GPATCH8: variants seen among roughly 807,000 people sequenced by gnomAD.
GPATCH8 encodes G-patch domain containing 8.
Under a neutral mutation model 118.3 loss-of-function variants are expected in GPATCH8, and 18 were observed. The observed-to-expected ratio is 0.15, with a 90% CI of 0.11 to 0.23. The LOEUF (loss-of-function observed/expected upper bound fraction) is 0.23, where lower values mean the gene tolerates loss of function less well. Among genes scored for constraint, GPATCH8 ranks in the 10% least tolerant of loss-of-function variants. The pLI, the probability that GPATCH8 is intolerant of heterozygous loss-of-function variation, is 1.00. For synonymous variants in GPATCH8, 659 were observed against 684.7 expected (o/e 0.96, Z 0.59); for missense variants, 1,631 against 1,873.8 (o/e 0.87, Z 2.39).
intron 6 of GPATCH8, chr17:44,408,952 C>T (rs1190558071): frequency 6.6e-6 from 1 of 152,192 alleles, no homozygotes. Context: ...TTGAGAACCC[C>T]AGAATTCTCA....
At chr17:44,440,248 A>T (rs998986616) in intron 3 of GPATCH8, among the ~76,000 whole-genome samples, 1 of 152,212 alleles carries the variant, frequency 6.6e-6, no homozygotes, top group Admixed American at 6.5e-5. Context: ...CTTAAAAGAA[A>T]CTGTCTTCCT....
intron 7 of GPATCH8, among the ~76,000 whole-genome samples, chr17:44,405,468 A>G (rs1379735699): frequency 2.6e-5 from 4 of 151,742 alleles, no homozygotes; most frequent in African/African-American, 4.9e-5. Context: ...TCGGCCTCCC[A>G]AAGTGCTGGG....
At chr17:44,456,869 A>ATT (rs36118162) in intron 3 of GPATCH8, among the ~76,000 whole-genome samples, 2 of 147,820 alleles carry the variant, frequency 1.4e-5, no homozygotes, top group African/African-American at 2.5e-5. Context: ...GTACAGAACA[A>ATT]TTTTTTTTTT....
intron 1 of GPATCH8, among the ~76,000 whole-genome samples, chr17:44,492,794 A>C (rs1969359063): frequency 1.3e-5 from 2 of 152,150 alleles, no homozygotes; most frequent in Admixed American, 6.6e-5. Flanking sequence ...TAGAACCCTA[A>C]CTTGAGAGTA....
chr17:44,426,848 ACTCTCTCT>A (rs71361571), intron 5 of GPATCH8, among the ~76,000 whole-genome samples: 14 of 35,468 alleles, frequency 3.9e-4, no homozygotes, highest in African/African-American at 8.5e-4. Context: ...ACACACACAC[ACTCTCTCT>A]CTCTCTCTCT....
chr17:44,472,489 T>C (rs1052518190), intron 2 of GPATCH8, among the ~76,000 whole-genome samples: 4 of 152,222 alleles, frequency 2.6e-5, no homozygotes, highest in African/African-American at 9.7e-5. Context: ...AATTTAGTGG[T>C]TTAAAAAATA....
At chr17:44,461,050 T>C (rs2051525965) in intron 3 of GPATCH8, among the ~76,000 whole-genome samples, 1 of 152,318 alleles carries the variant, frequency 6.6e-6, no homozygotes, top group East Asian at 1.9e-4. Context: ...AGAATAAAGA[T>C]ACTAATCATT....
chr17:44,442,122 TAGAGAG>T (rs1369615165), intron 3 of GPATCH8, among the ~76,000 whole-genome samples: 4 of 128,994 alleles, frequency 3.1e-5, no homozygotes, highest in Non-Finnish European at 6.4e-5. Context: ...TATATATATA[TAGAGAG>T]AGAGAGAGAG....
intron 1 of GPATCH8, among the ~76,000 whole-genome samples, chr17:44,502,701 T>C (rs546306596): frequency 1.3e-4 from 20 of 152,284 alleles, no homozygotes; most frequent in African/African-American, 4.8e-4. Context: ...CATAGTCCAG[T>C]AACTTACTGC....
chr17:44,477,912 G>A (rs1967905447), intron 1 of GPATCH8, among the ~76,000 whole-genome samples: 2 of 151,990 alleles, frequency 1.3e-5, no homozygotes, highest in South Asian at 4.2e-4. Context: ...CAGATTCAAG[G>A]GATTCTCCCG....
chr17:44,433,784 A>C (rs998852148), intron 5 of GPATCH8, among the ~76,000 whole-genome samples: 2 of 152,222 alleles, frequency 1.3e-5, no homozygotes, highest in African/African-American at 2.4e-5. Context: ...GACAGATAAG[A>C]AGCAACTAAT....
intron 1 of GPATCH8, among the ~76,000 whole-genome samples, chr17:44,499,299 T>A (rs1357325800): frequency 6.6e-6 from 1 of 152,100 alleles, no homozygotes; most frequent in Non-Finnish European, 1.5e-5. Context: ...AAACCCCGTC[T>A]CTACTAAAAA....
chr17:44,422,480 G>A (rs1031088570), intron 6 of GPATCH8, among the ~76,000 whole-genome samples: 1 of 151,614 alleles, frequency 6.6e-6, no homozygotes, highest in Non-Finnish European at 1.5e-5. Flanking sequence ...GCGAGCCACC[G>A]TGCCTAGCCT....
intron 6 of GPATCH8, among the ~76,000 whole-genome samples, chr17:44,422,226 G>C (rs1254714195): frequency 1.3e-5 from 2 of 152,154 alleles, no homozygotes; most frequent in Non-Finnish European, 2.9e-5. Flanking sequence ...CTGTTGCCCA[G>C]TGTGAAGTGC....
chr17:44,443,871 T>C (rs866486892), intron 3 of GPATCH8, among the ~76,000 whole-genome samples: 2 of 152,142 alleles, frequency 1.3e-5, no homozygotes, highest in African/African-American at 2.4e-5. Context: ...GATTTCACCA[T>C]GTTGCCCGCC....
At chr17:44,487,507 T>C (rs1214192690) in intron 1 of GPATCH8, among the ~76,000 whole-genome samples, 4 of 152,160 alleles carry the variant, frequency 2.6e-5, no homozygotes, top group Admixed American at 1.3e-4. Flanking sequence ...TTCAGCTCCT[T>C]TGGTTAAGTA....
intron 6 of GPATCH8, among the ~76,000 whole-genome samples, chr17:44,416,929 A>G (rs1174452172): frequency 2.0e-5 from 3 of 152,348 alleles, no homozygotes; most frequent in South Asian, 4.1e-4. Context: ...TAGAAAATGT[A>G]AAAAGTATAG....
intron 2 of GPATCH8, among the ~76,000 whole-genome samples, chr17:44,472,088 C>T (rs1168136367): frequency 1.3e-5 from 2 of 151,758 alleles, no homozygotes; most frequent in Admixed American, 6.6e-5. Context: ...ACAACCTAAA[C>T]TATCTCATCA....
At chr17:44,462,858 G>A (rs2051611663) in intron 3 of GPATCH8, among the ~76,000 whole-genome samples, 1 of 152,048 alleles carries the variant, frequency 6.6e-6, no homozygotes, top group Admixed American at 6.6e-5. Context: ...GCAGGCGCCT[G>A]TAGTCCCAGC....
Sources: gnomAD v4.1 joint callset for allele counts (sites outside exome capture counted in the v4.1 genomes callset) on GRCh38, gnomAD v4.1.1 for gene constraint, MANE v1.5 for transcripts, NCBI Gene and HGNC (gene_info 2026-07-23, HGNC 2026-07-21) for gene names.